Variants in PITPNM2 observed in about 807,000 individuals in gnomAD.
PITPNM2 encodes membrane-associated phosphatidylinositol transfer protein 2.
PITPNM2 carries 35 observed loss-of-function variants against 132.2 expected under a neutral mutation model. The observed-to-expected ratio is 0.26, with a 90% CI of 0.20 to 0.35. PITPNM2 has a LOEUF of 0.35. PITPNM2 is among the 10% of genes least tolerant of loss of function. PITPNM2 has a pLI of 1.00. For missense variants in PITPNM2, 1,332 were observed against 1,912.0 expected (o/e 0.70, Z 5.66); for synonymous variants, 738 against 799.2 (o/e 0.92, Z 1.29).
At chr12:123,127,722 G>T (rs1246980764) in intron 1 of PITPNM2, among the ~76,000 whole-genome samples, 2 of 150,614 alleles carry the variant, frequency 1.3e-5, no homozygotes, top group African/African-American at 4.9e-5. Flanking sequence ...CCATTCTCCT[G>T]CCTCAGCCTC....
intron 1 of PITPNM2, among the ~76,000 whole-genome samples, chr12:123,147,593 G>A (rs181906098): frequency 4.2e-3 from 637 of 152,288 alleles, no homozygotes; most frequent in Non-Finnish European, 6.8e-3. Context: ...GACAGTTCAG[G>A]AAAGCAGCAA....
chr12:122,986,716 G>A lies in PITPNM2; in HGVS notation c.3527C>T (p.Ser1176Phe). ...GTCATGCACCAGGCCGTCACAGAAG[G>A]ACACCACGCCATGGGGGAAGTTGTG... ...AQHNFPHGVV[S>F]FCDGLVHDPL... The change falls in exon 24 of 26, where the codon TCC becomes TTC. Residue 1176 changes from serine to phenylalanine, a missense_variant. Coordinates refer to ENST00000320201, the MANE Select transcript of PITPNM2 (RefSeq NM_020845.3). 3 of 1,613,554 alleles carry A rather than the reference G, an allele frequency of 1.9e-6. No homozygotes were observed. The highest frequency in any genetic ancestry group is 2.5e-6 in the Non-Finnish European group (3 of 1,180,006).
rs752396861 is a variant in PITPNM2 at position 122,987,306 on chromosome 12, G to A, written c.3388C>T (p.Arg1130Trp). Residue 1130 changes from arginine to tryptophan, a missense_variant, in exon 23 of 26, where the codon CGG (arginine) becomes TGG (tryptophan). Physicochemically the swap from Arg to Trp is moderately radical, Grantham distance 101. Coordinates refer to ENST00000320201, the MANE Select transcript of PITPNM2 (RefSeq NM_020845.3). ...VSIMGSDPKV[R>W]AGAVDVVRHW... ...CGCACCACGTCCACGGCCCCGGCCC[G>A]CACCTTGGGGTCGCTGCCCATGATG... 1.2e-6 allele frequency: 2 copies of A among 1,611,866 alleles called. No individual in the cohort carries two copies. Among genetic ancestry groups the A allele is most frequent in the Non-Finnish European group, 8.5e-7 (1 of 1,180,008 alleles).
intron 2 of PITPNM2, among the ~76,000 whole-genome samples, chr12:123,071,537 G>A (rs2041621613): frequency 6.6e-6 from 1 of 152,198 alleles, no homozygotes; most frequent in Admixed American, 6.5e-5. Flanking sequence ...CACACCTCCT[G>A]ACAGAAAGCT....
At chr12:123,032,477 AAAACAAACAAACAAAC>A (rs112632714) in intron 3 of PITPNM2, among the ~76,000 whole-genome samples, 1 of 150,584 alleles carries the variant, frequency 6.6e-6, no homozygotes, top group African/African-American at 2.5e-5. Flanking sequence ...CTCCATCTCA[AAAACAAACAAACAAAC>A]AAACAAACAA....
chr12:123,145,113 C>T (rs2043587530), intron 1 of PITPNM2, among the ~76,000 whole-genome samples: 1 of 152,086 alleles, frequency 6.6e-6, no homozygotes, highest in Non-Finnish European at 1.5e-5. Flanking sequence ...GAGTTTGAAG[C>T]TGCAGTGAGC....
chr12:123,064,311 G>A lies in PITPNM2; in HGVS notation c.-95-29626C>T, dbSNP rs1254407202. On this transcript the variant is annotated intron_variant, in intron 2 of 25. Transcript: ENST00000320201. The surrounding 1 kb of genome is among the most constrained non-coding windows in gnomAD (Gnocchi z 4.0). ...GGCAAGTCAGTAGCAGGGAAGGGATGAGAACTCCTCATTCTGGGCCCAGGG... is the reference window on the plus strand; with the variant it reads ...GGCAAGTCAGTAGCAGGGAAGGGATAAGAACTCCTCATTCTGGGCCCAGGG... 1.3e-5 allele frequency among the ~76,000 whole-genome samples: 2 copies of A among 152,200 alleles called. No individual in the cohort carries two copies. The highest frequency in any genetic ancestry group is 2.4e-5 in the African/African-American group (1 of 41,446).
intron 3 of PITPNM2, among the ~76,000 whole-genome samples, chr12:123,020,312 G>T (rs550209429): frequency 2.9e-4 from 44 of 152,006 alleles, no homozygotes; most frequent in African/African-American, 1.0e-3. Flanking sequence ...GTAGAGATGG[G>T]GTTTCACCAT....
intron 2 of PITPNM2, among the ~76,000 whole-genome samples, chr12:123,043,890 T>A (rs2040571359): frequency 1.3e-5 from 2 of 152,082 alleles, no homozygotes; most frequent in African/African-American, 4.8e-5. Context: ...CGGGCACAAA[T>A]GTGCATGTGA....
At chr12:123,045,999 C>T (rs1294534604) in intron 2 of PITPNM2, among the ~76,000 whole-genome samples, 1 of 152,146 alleles carries the variant, frequency 6.6e-6, no homozygotes, top group Non-Finnish European at 1.5e-5. Context: ...AAATTGCCCA[C>T]AGCTCTCTGT....
In PITPNM2 at chr12:123,005,087, C is replaced by T. The variant is rs58251569; in HGVS notation, c.952+153G>A. ...GGCAGGGCCCAGGCTTCCCTGTGTG[C>T]GAGGACTAGCCCAGGGCTCTGACTC... On this transcript the variant is annotated intron_variant, in intron 7 of 25. Coordinates refer to ENST00000320201, the MANE Select transcript of PITPNM2 (RefSeq NM_020845.3). The surrounding 1 kb of genome is among the most constrained non-coding windows in gnomAD (Gnocchi z 6.2). Among the ~76,000 whole-genome samples, 2 of 152,162 alleles carry T rather than the reference C, an allele frequency of 1.3e-5. No individual in the cohort carries two copies. The highest frequency in any genetic ancestry group is 2.4e-5 in the African/African-American group (1 of 41,448).
intron 2 of PITPNM2, among the ~76,000 whole-genome samples, chr12:123,096,032 G>A (rs1052946570): frequency 3.3e-5 from 5 of 152,254 alleles, no homozygotes; most frequent in Non-Finnish European, 7.3e-5. Flanking sequence ...CTGTAGCTCA[G>A]AGCCCACACT....
intron 2 of PITPNM2, among the ~76,000 whole-genome samples, chr12:123,044,467 C>T (rs2040588589): frequency 6.6e-6 from 1 of 152,216 alleles, no homozygotes. Flanking sequence ...CAAAGCAAAA[C>T]TCAGCTCAAT....
intron 1 of PITPNM2, among the ~76,000 whole-genome samples, chr12:123,131,730 G>A (rs982543889): frequency 1.3e-5 from 2 of 152,188 alleles, no homozygotes; most frequent in African/African-American, 2.4e-5. Flanking sequence ...CCTAGCCTGT[G>A]TCTGTGCTAG....
At chr12:123,016,810 C>G (rs1179138870) in intron 3 of PITPNM2, among the ~76,000 whole-genome samples, 1 of 152,094 alleles carries the variant, frequency 6.6e-6, no homozygotes, top group Non-Finnish European at 1.5e-5. Context: ...CTTTGGGAGG[C>G]TGAGGTGGCT....
intron 2 of PITPNM2, among the ~76,000 whole-genome samples, chr12:123,069,357 C>T (rs1228094179): frequency 6.6e-6 from 1 of 152,136 alleles, no homozygotes; most frequent in African/African-American, 2.4e-5. Flanking sequence ...AACACATCTC[C>T]TGAGGTTATC....
rs1594113710 is a variant in PITPNM2, at chr12:122,985,640, T to A, written c.*387A>T. Reference sequence around the variant, plus strand: ...GACCCCTGTTGGAGCTGCTACCAAATGGGAGGGGACCTGGGAGTGAGGGTG... The same window carrying A: ...GACCCCTGTTGGAGCTGCTACCAAAAGGGAGGGGACCTGGGAGTGAGGGTG... On this transcript the variant is annotated 3_prime_UTR_variant, in exon 26 of 26. Transcript: ENST00000320201. 1 of 204,440 alleles carries A rather than the reference T, an allele frequency of 4.9e-6. No individual in the cohort carries two copies. The highest frequency in any genetic ancestry group is 9.8e-6 in the Non-Finnish European group (1 of 102,334). 12.7% of individuals were successfully genotyped at this position (204,440 alleles called of 1,614,324 possible). A position where few individuals can be genotyped will look rare whatever the true frequency, so the allele number is the denominator to read the frequency against.
chr12:123,149,903 T>C (rs1247218428), intron 1 of PITPNM2: 1 of 152,154 alleles, frequency 6.6e-6, no homozygotes, highest in Non-Finnish European at 1.5e-5. Flanking sequence ...GAATCCCGAC[T>C]CTGGGTGGGG....
chr12:123,106,697 C>G lies in PITPNM2; in HGVS notation c.-96+3688G>C, dbSNP rs1298316155. On this transcript the variant is annotated intron_variant, in intron 2 of 25. Coordinates refer to ENST00000320201, the MANE Select transcript of PITPNM2 (RefSeq NM_020845.3). The surrounding 1 kb of genome is among the most constrained non-coding windows in gnomAD (Gnocchi z 4.4). ...GGGTCATCAGATTGTGCCCAGATCTCTACCAAGCTCTGTGGGGACAGCAAA... is the reference window on the plus strand; with the variant it reads ...GGGTCATCAGATTGTGCCCAGATCTGTACCAAGCTCTGTGGGGACAGCAAA... 6.6e-6 allele frequency among the ~76,000 whole-genome samples: 1 copy of G among 152,184 alleles called. No individual in the cohort carries two copies. Among genetic ancestry groups the G allele is most frequent in the Non-Finnish European group, 1.5e-5 (1 of 68,024 alleles).
Sources: gnomAD v4.1 joint callset for allele counts (sites outside exome capture counted in the v4.1 genomes callset) on GRCh38, gnomAD v4.1.1 for gene constraint, Gnocchi (gnomAD v3.1) non-coding constraint, MANE v1.5 for transcripts, NCBI Gene and HGNC (gene_info 2026-07-23, HGNC 2026-07-21) for gene names.